MACROD1: variants seen among roughly 807,000 people sequenced by gnomAD.
MACROD1 encodes mono-ADP ribosylhydrolase 1, also known as ADP-ribose glycohydrolase MACROD1.
In MACROD1, 31 loss-of-function variants were observed where a neutral mutation model predicts 41.4. The ratio of observed to expected loss-of-function variants is 0.75; its 90% confidence interval spans 0.56 to 1.01. The LOEUF is 1.01. MACROD1 is among the 50% of genes least tolerant of loss of function. The pLI, the probability that MACROD1 is intolerant of heterozygous loss-of-function variation, is 0.00. For missense variants in MACROD1, 473 were observed against 460.0 expected (o/e 1.03, Z -0.26); for synonymous variants, 252 against 203.4 (o/e 1.24, Z -2.03).
intron 3 of MACROD1, among the ~76,000 whole-genome samples, chr11:64,147,436 G>T (rs1945510295): frequency 6.6e-6 from 1 of 151,256 alleles, no homozygotes; most frequent in South Asian, 2.1e-4. Flanking sequence ...TGTTGCCCAG[G>T]CTGGAAGGCA....
intron 3 of MACROD1, among the ~76,000 whole-genome samples, chr11:64,135,610 T>A (rs1945321325): frequency 6.6e-6 from 1 of 152,226 alleles, no homozygotes; most frequent in Non-Finnish European, 1.5e-5. Context: ...CAATAACATT[T>A]AGGGAGGAGG....
chr11:64,075,148 G>A (rs374683928), intron 3 of MACROD1, among the ~76,000 whole-genome samples: 4 of 152,208 alleles, frequency 2.6e-5, no homozygotes, highest in African/African-American at 9.6e-5. Context: ...AAAACGGTTG[G>A]TGAGGCTGAC....
Position 64,165,915 on chromosome 11 carries a change from CGG to C in MACROD1, c.78_79del (p.Arg27AlafsTer80). On this transcript the variant is annotated frameshift_variant, in exon 1 of 11. Coordinates refer to ENST00000255681, the MANE Select transcript of MACROD1 (RefSeq NM_014067.4). LOFTEE classifies it high-confidence loss of function. ...CGTGGCACCCGCCAAGTGTCCGGGC[CGG>C]GGGCGCGGGGGGACGAGCAGCTGCC... 1 of 1,331,116 alleles carries C rather than the reference CGG, an allele frequency of 7.5e-7. No individual in the cohort carries two copies. The highest frequency in any genetic ancestry group is 2.1e-5 in the South Asian group (1 of 47,688). The allele number at this position is 1,331,116 out of a possible 1,614,324, so 82.5% of individuals were successfully genotyped here.
chr11:64,029,337 C>A (rs946116476), intron 3 of MACROD1, among the ~76,000 whole-genome samples: 1 of 152,096 alleles, frequency 6.6e-6, no homozygotes, highest in East Asian at 1.9e-4. Context: ...AGGCATCTGG[C>A]GGCCGGCAGA....
At chr11:64,099,061 G>A (rs1944626834) in intron 3 of MACROD1, among the ~76,000 whole-genome samples, 1 of 152,232 alleles carries the variant, frequency 6.6e-6, no homozygotes, top group African/African-American at 2.4e-5. Flanking sequence ...GAGTGCCAAG[G>A]GTGGGCAGTG....
chr11:64,015,517 G>A (rs1319692797), intron 3 of MACROD1, among the ~76,000 whole-genome samples: 3 of 152,114 alleles, frequency 2.0e-5, no homozygotes, highest in African/African-American at 7.2e-5. Context: ...AGAGCTATCA[G>A]GGCCTGCCTG....
intron 1 of MACROD1, among the ~76,000 whole-genome samples, chr11:64,155,277 AAG>A (rs991541935): frequency 1.3e-5 from 2 of 152,248 alleles, no homozygotes; most frequent in African/African-American, 2.4e-5. Context: ...AAAGAAAAAA[AAG>A]AGAGAGAGCA....
chr11:64,022,191 G>A (rs1458398720), intron 3 of MACROD1, among the ~76,000 whole-genome samples: 1 of 152,018 alleles, frequency 6.6e-6, no homozygotes, highest in Non-Finnish European at 1.5e-5. Context: ...AGACAGAGGA[G>A]GGATGAACCG....
At chr11:64,003,921 G>A (rs190031685) in intron 4 of MACROD1, among the ~76,000 whole-genome samples, 2 of 152,216 alleles carry the variant, frequency 1.3e-5, no homozygotes, top group South Asian at 2.1e-4. Context: ...CTTTCTGGAC[G>A]GTTTGGCTGC....
intron 3 of MACROD1, among the ~76,000 whole-genome samples, chr11:64,031,476 C>T (rs59698175): frequency 0.022 from 2,580 of 114,900 alleles, 51 homozygotes; most frequent in Middle Eastern, 0.071. Flanking sequence ...GCCTGCCTTC[C>T]TTTTTTTTTT....
chr11:64,152,473 C>T (rs1945596702), intron 1 of MACROD1, 80 bp from the exon 2 acceptor site: 6 of 1,127,208 alleles, frequency 5.3e-6, no homozygotes, highest in African/African-American at 3.0e-5. Context: ...CCTTTCTTGC[C>T]TCATCCAAGA....
chr11:64,112,411 G>A (rs1944879142), intron 3 of MACROD1, among the ~76,000 whole-genome samples: 1 of 152,156 alleles, frequency 6.6e-6, no homozygotes, highest in Admixed American at 6.5e-5. Context: ...CTACTCAGGA[G>A]GCTGAAGCAG....
intron 3 of MACROD1, among the ~76,000 whole-genome samples, chr11:64,092,555 C>T (rs1227732340): frequency 5.3e-5 from 8 of 152,242 alleles, no homozygotes; most frequent in Non-Finnish European, 7.3e-5. Context: ...GGTCATGACA[C>T]GTGCCTTCCC....
At chr11:64,035,349 T>G (rs1943352669) in intron 3 of MACROD1, among the ~76,000 whole-genome samples, 1 of 151,676 alleles carries the variant, frequency 6.6e-6, no homozygotes, top group East Asian at 1.9e-4. Flanking sequence ...GCATGCAGAG[T>G]AGGCGGTGGG....
intron 10 of MACROD1, 56 bp from the exon 11 acceptor site, chr11:63,998,743 C>T: frequency 4.9e-6 from 7 of 1,419,164 alleles, no homozygotes; most frequent in East Asian, 2.6e-5. Flanking sequence ...TCCCAGGCTG[C>T]CCCGTGGTTT....
chr11:64,028,279 T>C (rs1463231759), intron 3 of MACROD1, among the ~76,000 whole-genome samples: 2 of 152,324 alleles, frequency 1.3e-5, no homozygotes, highest in African/African-American at 4.8e-5. Context: ...CCCCTTGCCC[T>C]GTGTTATTAC....
chr11:64,165,360 C>A lies in MACROD1; in HGVS notation c.298+337G>T, dbSNP rs574979776. Among the ~76,000 whole-genome samples the A allele has an allele frequency of 2.6e-5, 4 of 152,370 alleles. No individual in the cohort carries two copies. The South Asian group carries it at 8.3e-4, about 32-fold the overall frequency. On this transcript the variant is annotated intron_variant, in intron 1 of 10. Transcript: ENST00000255681. ...CAGCTGTGGCACTCGGCCTCAGTTTCCCTCCTGCACAGGGAAGGAAGTTGG... is the reference window on the plus strand; with the variant it reads ...CAGCTGTGGCACTCGGCCTCAGTTTACCTCCTGCACAGGGAAGGAAGTTGG...
intron 3 of MACROD1, among the ~76,000 whole-genome samples, chr11:64,111,387 A>G (rs929335901): frequency 6.6e-6 from 1 of 152,210 alleles, no homozygotes; most frequent in African/African-American, 2.4e-5. Flanking sequence ...ACTGAGGCAA[A>G]GTGACCTGTG....
At chr11:64,039,455 C>T (rs572199441) in intron 3 of MACROD1, among the ~76,000 whole-genome samples, 25 of 152,144 alleles carry the variant, frequency 1.6e-4, no homozygotes, top group Non-Finnish European at 2.6e-4. Context: ...GTTGTTCTGC[C>T]GGAGACAAAG....
Sources: allele counts gnomAD v4.1 joint callset (sites outside exome capture counted in the v4.1 genomes callset), GRCh38; gene constraint gnomAD v4.1.1; transcripts MANE v1.5; gene names NCBI Gene and HGNC (gene_info 2026-07-23, HGNC 2026-07-21).